RNGTT: variants seen among roughly 807,000 people sequenced by gnomAD.
The protein encoded by RNGTT is RNA guanylyltransferase and 5'-phosphatase.
In RNGTT, 33 loss-of-function variants were observed where a neutral mutation model predicts 79.3. The observed-to-expected ratio is 0.42, with a 90% CI of 0.32 to 0.56. RNGTT has a LOEUF of 0.56. RNGTT is among the 20% of genes least tolerant of loss of function. RNGTT has a pLI of 0.17. For missense variants in RNGTT, 497 were observed against 739.1 expected, an observed-to-expected ratio of 0.67 and a Z score of 3.80; for synonymous variants, 222 against 235.9, an observed-to-expected ratio of 0.94 and a Z score of 0.54.
intron 14 of RNGTT, among the ~76,000 whole-genome samples, chr6:88,644,029 A>G (rs1166413252): frequency 6.6e-6 from 1 of 152,040 alleles, no homozygotes; most frequent in Non-Finnish European, 1.5e-5. Context: ...AGATAGAGAC[A>G]AAAAACCCTT....
At chr6:88,643,527 ACC>A (rs1773407777) in intron 14 of RNGTT, among the ~76,000 whole-genome samples, 1 of 152,178 alleles carries the variant, frequency 6.6e-6, no homozygotes, top group African/African-American at 2.4e-5. Flanking sequence ...ATAACTCTCC[ACC>A]CCAAATCAAC....
At chr6:88,676,088 C>T (rs1016530300) in intron 14 of RNGTT, among the ~76,000 whole-genome samples, 7 of 152,036 alleles carry the variant, frequency 4.6e-5, no homozygotes, top group African/African-American at 1.7e-4. Context: ...ATGAAAGGAA[C>T]CTAGATTAGC....
chr6:88,807,493 C>T (rs895723038), intron 11 of RNGTT, among the ~76,000 whole-genome samples: 11 of 151,792 alleles, frequency 7.2e-5, no homozygotes, highest in Non-Finnish European at 1.0e-4. Context: ...AAAGAAGAAA[C>T]GTACGTGGCA....
intron 8 of RNGTT, among the ~76,000 whole-genome samples, chr6:88,860,007 C>T (rs1215536223): frequency 6.6e-6 from 1 of 152,128 alleles, no homozygotes; most frequent in South Asian, 2.1e-4. Context: ...CATAATCTCA[C>T]CTGCATTTTT....
intron 4 of RNGTT, among the ~76,000 whole-genome samples, chr6:88,921,924 G>A (rs2127950530): frequency 6.6e-6 from 1 of 152,132 alleles, no homozygotes; most frequent in South Asian, 2.1e-4. Flanking sequence ...ATGTTCATAG[G>A]TCATATGCAA....
At chr6:88,957,316 A>C (rs900725749) in intron 1 of RNGTT, among the ~76,000 whole-genome samples, 1 of 152,182 alleles carries the variant, frequency 6.6e-6, no homozygotes, top group Non-Finnish European at 1.5e-5. Flanking sequence ...GAACAAGACA[A>C]GGATGCTACT....
chr6:88,920,657 G>A (rs1045549573), intron 4 of RNGTT, among the ~76,000 whole-genome samples: 4 of 152,102 alleles, frequency 2.6e-5, no homozygotes, highest in African/African-American at 4.8e-5. Flanking sequence ...CATTATAGGG[G>A]TAAACATTAA....
chr6:88,745,900 T>C (rs1194011997), intron 13 of RNGTT, among the ~76,000 whole-genome samples: 1 of 152,210 alleles, frequency 6.6e-6, no homozygotes, highest in African/African-American at 2.4e-5. Context: ...TTACTGCCTC[T>C]TATTTCCAAA....
chr6:88,948,611 T>C, intron 1 of RNGTT, among the ~76,000 whole-genome samples: 1 of 145,484 alleles, frequency 6.9e-6, no homozygotes, highest in African/African-American at 2.5e-5. Context: ...CTGGGAGGTG[T>C]GCCCAACAGC....
chr6:88,688,867 A>C (rs1775374324), intron 13 of RNGTT, among the ~76,000 whole-genome samples: 2 of 152,190 alleles, frequency 1.3e-5, no homozygotes, highest in African/African-American at 4.8e-5. Context: ...GAAGACTTTT[A>C]GGATGATCCA....
At chr6:88,932,663 G>T (rs940865794) in intron 2 of RNGTT, among the ~76,000 whole-genome samples, 1 of 152,078 alleles carries the variant, frequency 6.6e-6, no homozygotes, top group African/African-American at 2.4e-5. Flanking sequence ...ATTGGGGGCT[G>T]GTTCCCCCAA....
chr6:88,829,713 A>C (rs1780789684), intron 11 of RNGTT, among the ~76,000 whole-genome samples: 3 of 150,886 alleles, frequency 2.0e-5, no homozygotes, highest in South Asian at 2.1e-4. Context: ...AAAAAAAAAA[A>C]AAAAAAAAAA....
chr6:88,771,956 C>G (rs899273937), intron 12 of RNGTT, among the ~76,000 whole-genome samples: 1 of 151,986 alleles, frequency 6.6e-6, no homozygotes, highest in Admixed American at 6.6e-5. Flanking sequence ...GGTGTGAGGA[C>G]AGCTTGAGCC....
At chr6:88,680,570 C>T (rs1386054517) in intron 13 of RNGTT, among the ~76,000 whole-genome samples, 4 of 151,828 alleles carry the variant, frequency 2.6e-5, no homozygotes, top group East Asian at 1.9e-4. Context: ...GGAGAAACCC[C>T]GTCTCTACTA....
chr6:88,774,568 A>G (rs9344862), intron 12 of RNGTT, among the ~76,000 whole-genome samples: 21,091 of 152,248 alleles, frequency 0.14, 1,593 homozygotes, highest in Middle Eastern at 0.24. Context: ...GGTAAAGACA[A>G]TACAAGTCTC....
At chr6:88,956,064 A>G (rs1239517917) in intron 1 of RNGTT, among the ~76,000 whole-genome samples, 2 of 150,412 alleles carry the variant, frequency 1.3e-5, no homozygotes, top group East Asian at 1.9e-4. Context: ...AAAAAAAAAA[A>G]GCTGGTTCTT....
intron 1 of RNGTT, among the ~76,000 whole-genome samples, chr6:88,960,935 G>A (rs1444873037): frequency 6.6e-6 from 1 of 152,156 alleles, no homozygotes; most frequent in African/African-American, 2.4e-5. Context: ...TTACTGTGAT[G>A]GTTAATACTG....
chr6:88,725,846 G>A (rs1262926597), intron 13 of RNGTT, among the ~76,000 whole-genome samples: 1 of 152,122 alleles, frequency 6.6e-6, no homozygotes, highest in East Asian at 1.9e-4. Flanking sequence ...GAGAACAGCA[G>A]CATAAGCGGC....
At chr6:88,799,158 GA>G (rs1352805479) in intron 12 of RNGTT, among the ~76,000 whole-genome samples, 8 of 143,740 alleles carry the variant, frequency 5.6e-5, no homozygotes, top group East Asian at 4.0e-4. Context: ...AAAAAGACCT[GA>G]AAAAAAAAAG....
Sources: allele counts gnomAD v4.1 joint callset (sites outside exome capture counted in the v4.1 genomes callset), GRCh38; gene constraint gnomAD v4.1.1; transcripts MANE v1.5; gene names NCBI Gene and HGNC (gene_info 2026-07-23, HGNC 2026-07-21).